The following WSB1 variants were observed in gnomAD, a reference collection of about 807,000 sequenced individuals.
The protein encoded by WSB1 is WD repeat and SOCS box containing 1, also known as WD repeat and SOCS box-containing protein 1.
In WSB1, 23 loss-of-function variants were observed where a neutral mutation model predicts 50.2. The ratio of observed to expected loss-of-function variants is 0.46; its 90% confidence interval spans 0.33 to 0.65. The LOEUF (loss-of-function observed/expected upper bound fraction) is 0.65, where lower values mean the gene tolerates loss of function less well. Among genes scored for constraint, WSB1 ranks in the 30% least tolerant of loss-of-function variants. The pLI, the probability that WSB1 is intolerant of heterozygous loss-of-function variation, is 0.02. For synonymous variants in WSB1, 179 were observed against 172.0 expected (o/e 1.04, Z -0.32); for missense variants, 492 against 522.3 (o/e 0.94, Z 0.56).
chr17:27,309,730 C>T (rs918237438), intron 6 of WSB1, among the ~76,000 whole-genome samples: 2 of 152,060 alleles, frequency 1.3e-5, no homozygotes, highest in Non-Finnish European at 2.9e-5. Context: ...TTACAGGCAC[C>T]TGCAACCACC....
At chr17:27,300,391 G>C (rs948730950) in intron 1 of WSB1, among the ~76,000 whole-genome samples, 2 of 152,188 alleles carry the variant, frequency 1.3e-5, no homozygotes, top group Non-Finnish European at 2.9e-5. Context: ...CACTGATAAA[G>C]AGGCTCCTTT....
intron 1 of WSB1, among the ~76,000 whole-genome samples, chr17:27,296,825 C>G (rs57719886): frequency 7.9e-5 from 12 of 152,186 alleles, no homozygotes; most frequent in Admixed American, 7.9e-4. Context: ...TAAACAGTTA[C>G]AGATAATGTA....
chr17:27,307,172 T>C, intron 5 of WSB1: 1 of 315,514 alleles, frequency 3.2e-6, no homozygotes. Flanking sequence ...ATCTAGTCTA[T>C]ATGTTAAGAC....
intron 1 of WSB1, among the ~76,000 whole-genome samples, chr17:27,299,096 A>G (rs1262419381): frequency 2.0e-5 from 3 of 152,336 alleles, no homozygotes; most frequent in South Asian, 4.1e-4. Context: ...AACCCTGGTA[A>G]AAGGAACAAA....
At chr17:27,308,244 G>A in intron 5 of WSB1, 3 of 985,106 alleles carry the variant, frequency 3.0e-6, no homozygotes, top group Middle Eastern at 5.2e-4. Flanking sequence ...TTTACTCCAA[G>A]AGGAGAGATT....
intron 1 of WSB1, among the ~76,000 whole-genome samples, chr17:27,296,580 A>G (rs141130761): frequency 0.016 from 2,413 of 152,274 alleles, 36 homozygotes; most frequent in Admixed American, 0.032. Flanking sequence ...TACTGCCTTG[A>G]GCTACTGCCC....
intron 2 of WSB1, chr17:27,302,410 CAA>C (rs199646039): frequency 1.6e-3 from 93 of 56,414 alleles, no homozygotes; most frequent in African/African-American, 3.3e-3. Flanking sequence ...AATAATGTCT[CAA>C]AAAAAAAAAA....
rs142949229 is a variant in WSB1, at chr17:27,311,633, C to CTTTTTTTTTT, written c.1106+34_1106+43dup. 49 of 491,122 alleles carry CTTTTTTTTTT rather than the reference C, an allele frequency of 1.0e-4. 2 individuals are homozygous for CTTTTTTTTTT. The highest frequency in any genetic ancestry group is 4.7e-4 in the South Asian group (17 of 35,962). 30.4% of individuals were successfully genotyped at this position (491,122 alleles called of 1,614,324 possible). On this transcript the variant is annotated intron_variant, in intron 8 of 8. Transcript: ENST00000262394. ...AGCTGCTGGGTAAATATATTTTTCT[C>CTTTTTTTTTT]TTTTTTTTTTTTTTTTTTTTTTTTT...
Position 27,303,554 on chromosome 17 carries a change from C to A in WSB1, c.397C>A (p.Arg133Ser). The change falls in exon 3 of 9, where the codon CGC (arginine) becomes AGC (serine). Residue 133 changes from arginine (R) to serine (S), a missense_variant. Transcript: ENST00000262394. Reference protein sequence around the residue: ...QSRCVNIEWHRFRFGQDQLLL... With the variant: ...QSRCVNIEWHSFRFGQDQLLL... Reference sequence around the variant, plus strand: ...TCGCTGTGTAAATATAGAATGGCATCGCTTCAGATTTGGACAAGATCAGCT... The same window carrying A: ...TCGCTGTGTAAATATAGAATGGCATAGCTTCAGATTTGGACAAGATCAGCT... 1.2e-6 allele frequency: 2 copies of A among 1,614,124 alleles called. No individual in the cohort carries two copies. The highest frequency in any genetic ancestry group is 1.7e-6 in the Non-Finnish European group (2 of 1,180,030).
chr17:27,304,570 G>A (rs1368131666), intron 3 of WSB1, among the ~76,000 whole-genome samples: 2 of 122,042 alleles, frequency 1.6e-5, no homozygotes, highest in African/African-American at 3.8e-5. Flanking sequence ...AAAAAGGCCA[G>A]CCGTGGTGAC....
intron 6 of WSB1, 121 bp downstream of exon 6, chr17:27,309,393 G>A (rs2017580320): frequency 2.1e-6 from 2 of 945,706 alleles, no homozygotes; most frequent in Middle Eastern, 2.8e-4. Context: ...TAAAATGTTG[G>A]TATTATTTAA....
chr17:27,311,393 G>T (rs944110333), intron 7 of WSB1, 116 bp from the exon 8 acceptor site: 2 of 652,412 alleles, frequency 3.1e-6, no homozygotes, highest in South Asian at 2.3e-5. Flanking sequence ...TTGCCTGTTG[G>T]TGTGATGTGT....
intron 3 of WSB1, chr17:27,303,869 A>G (rs2017337253): frequency 2.3e-6 from 1 of 437,978 alleles, no homozygotes; most frequent in Middle Eastern, 6.1e-4. Context: ...ACAGTAGGAA[A>G]GGGTTTTCCA....
chr17:27,300,512 A>G (rs1008768214), intron 1 of WSB1, among the ~76,000 whole-genome samples: 2 of 152,182 alleles, frequency 1.3e-5, no homozygotes, highest in African/African-American at 2.4e-5. Context: ...TACTCTGGTA[A>G]TATGCCAATT....
At position 27,294,261 on chromosome 17, in the gene WSB1, C is replaced by A; in HGVS notation, c.-135C>A. The A allele has an allele frequency of 1.6e-6, 2 of 1,237,280 alleles. No homozygotes were observed. Among genetic ancestry groups the A allele is most frequent in the Non-Finnish European group, 2.2e-6 (2 of 892,324 alleles). The allele number at this position is 1,237,280 out of a possible 1,614,324, so 76.6% of individuals were successfully genotyped here. ...CCGAGGCAGTTAGCAGAAGCCGCAG[C>A]GGCCGCCCCCGCCCGTCTCCTCTGT... is the stretch of plus-strand genomic sequence containing the variant. On this transcript the variant is annotated 5_prime_UTR_variant, in exon 1 of 9. Coordinates refer to ENST00000262394, the MANE Select transcript of WSB1 (RefSeq NM_015626.10).
Position 27,294,203 on chromosome 17 carries a change from C to G in WSB1, c.-193C>G. 1.6e-6 allele frequency: 1 copy of G among 613,196 alleles called. No individual in the cohort carries two copies. Among genetic ancestry groups the G allele is most frequent in the South Asian group, 2.1e-5 (1 of 48,212 alleles). 38.0% of individuals were successfully genotyped at this position (613,196 alleles called of 1,614,324 possible). ...CAGGGTCTATTGTCTGTGGTTGACT[C>G]CGTACTTTGGTCTGAGGCCTTCGGG... is the stretch of plus-strand genomic sequence containing the variant. On this transcript the variant is annotated 5_prime_UTR_variant, in exon 1 of 9. Transcript: ENST00000262394.
At chr17:27,311,696 A>G (rs753107941) in intron 8 of WSB1, 80 bp downstream of exon 8, 141 of 1,053,364 alleles carry the variant, frequency 1.3e-4, no homozygotes, top group African/African-American at 2.4e-4. Flanking sequence ...CAGTGGTGCA[A>G]TCTCTGCTCA....
At chr17:27,304,988 G>T in intron 4 of WSB1, 77 bp downstream of exon 4, 2 of 1,550,654 alleles carry the variant, frequency 1.3e-6, no homozygotes, top group Admixed American at 3.7e-5. Flanking sequence ...AACATGTGGG[G>T]CATTTGACTT....
intron 3 of WSB1, 86 bp downstream of exon 3, chr17:27,303,721 T>C (rs1484816396): frequency 6.7e-7 from 1 of 1,502,186 alleles, no homozygotes; most frequent in African/African-American, 1.4e-5. Flanking sequence ...ATTTGAGGAT[T>C]TCAGCTTACT....
Sources: gnomAD v4.1 joint callset for allele counts (sites outside exome capture counted in the v4.1 genomes callset) on GRCh38, gnomAD v4.1.1 for gene constraint, MANE v1.5 for transcripts, NCBI Gene and HGNC (gene_info 2026-07-23, HGNC 2026-07-21) for gene names.